The following SUGCT variants were observed in gnomAD, a reference collection of about 807,000 sequenced individuals.
SUGCT encodes the protein succinyl-CoA:glutarate CoA-transferase.
SUGCT carries 41 observed loss-of-function variants against 55.0 expected under a neutral mutation model. That is an observed-to-expected ratio of 0.74 (90% CI 0.58 to 0.97). The LOEUF (loss-of-function observed/expected upper bound fraction) is 0.97. Ranked by LOEUF, SUGCT falls within the 50% of genes least tolerant of loss-of-function variation. SUGCT has a pLI of 0.00. For synonymous variants in SUGCT, 187 were observed against 200.4 expected (o/e 0.93, Z 0.56); for missense variants, 568 against 547.8 (o/e 1.04, Z -0.37).
chr7:40,438,667 C>G lies in SUGCT; in HGVS notation c.817-10620C>G, dbSNP rs78387035. Among the ~76,000 whole-genome samples the G allele has an allele frequency of 8.7e-3, 1,319 of 152,168 alleles. 17 individuals are homozygous for G. Among genetic ancestry groups the G allele is most frequent in the African/African-American group, 0.03 (1,254 of 41,514 alleles). ...CTCCCCACATCATTTCATTCAGAAG[C>G]AATTGTTTCTTGAATTTCTTACAGG... On this transcript the variant is annotated intron_variant, in intron 9 of 13. Transcript: ENST00000335693.
chr7:40,787,781 G>A (rs1041878661), intron 13 of SUGCT, among the ~76,000 whole-genome samples: 2 of 150,670 alleles, frequency 1.3e-5, no homozygotes, highest in Non-Finnish European at 3.0e-5. Context: ...CTACTTCAGC[G>A]AAACACCACA....
chr7:40,463,863 A>G (rs561314537), intron 11 of SUGCT, among the ~76,000 whole-genome samples: 1 of 152,314 alleles, frequency 6.6e-6, no homozygotes, highest in African/African-American at 2.4e-5. Flanking sequence ...AAACTCAATC[A>G]TGTTAAAAAT....
chr7:41,035,862 T>G, the SUGCT span, among the ~76,000 whole-genome samples: 4 of 152,126 alleles, frequency 2.6e-5, no homozygotes, highest in African/African-American at 9.7e-5. Flanking sequence ...CCCCCAGCCT[T>G]GCATTTTCTC....
At chr7:40,702,429 A>G (rs964288041) in intron 12 of SUGCT, among the ~76,000 whole-genome samples, 1 of 152,238 alleles carries the variant, frequency 6.6e-6, no homozygotes, top group Non-Finnish European at 1.5e-5. Flanking sequence ...ACCAAAGTCA[A>G]GAAAACCAAG....
intron 12 of SUGCT, among the ~76,000 whole-genome samples, chr7:40,575,866 A>G (rs1399777323): frequency 6.6e-6 from 1 of 151,404 alleles, no homozygotes; most frequent in African/African-American, 2.4e-5. Flanking sequence ...AATTGCTTGA[A>G]CCAGGAGGGG....
At chr7:40,414,871 C>A (rs988904581) in intron 9 of SUGCT, among the ~76,000 whole-genome samples, 1 of 151,862 alleles carries the variant, frequency 6.6e-6, no homozygotes, top group Non-Finnish European at 1.5e-5. Context: ...GGTGAAATCC[C>A]GTCTCTACTA....
the SUGCT span, among the ~76,000 whole-genome samples, chr7:40,929,911 G>A: frequency 6.6e-6 from 1 of 152,118 alleles, no homozygotes; most frequent in Non-Finnish European, 1.5e-5. Flanking sequence ...CTGTGCAGAA[G>A]CTCTTTAGTT....
At chr7:40,409,970 A>G (rs1479874977) in intron 9 of SUGCT, among the ~76,000 whole-genome samples, 2 of 152,152 alleles carry the variant, frequency 1.3e-5, no homozygotes, top group East Asian at 3.9e-4. Flanking sequence ...TTCTTCGTAT[A>G]CATTGTATAC....
chr7:40,541,454 G>T (rs1231724451), intron 12 of SUGCT, among the ~76,000 whole-genome samples: 2 of 152,098 alleles, frequency 1.3e-5, no homozygotes, highest in African/African-American at 4.8e-5. Context: ...GGTCTATATT[G>T]GTCAGATATG....
chr7:40,621,964 C>T (rs898507656), intron 12 of SUGCT, among the ~76,000 whole-genome samples: 2 of 152,176 alleles, frequency 1.3e-5, no homozygotes, highest in Admixed American at 6.5e-5. Flanking sequence ...GAGGCAAGCC[C>T]GTGGAAGCCT....
intron 12 of SUGCT, among the ~76,000 whole-genome samples, chr7:40,516,288 T>C (rs569834329): frequency 1.4e-4 from 22 of 152,314 alleles, no homozygotes; most frequent in African/African-American, 5.3e-4. Context: ...TTCTGTAAGT[T>C]TTCTTTTCAT....
chr7:40,760,270 T>C (rs1383515313), intron 13 of SUGCT, among the ~76,000 whole-genome samples: 1 of 152,192 alleles, frequency 6.6e-6, no homozygotes, highest in Admixed American at 6.5e-5. Context: ...GTTGTGTTGG[T>C]ATAATAGAGT....
intron 13 of SUGCT, among the ~76,000 whole-genome samples, chr7:40,781,635 T>G (rs1035382792): frequency 6.6e-6 from 1 of 152,174 alleles, no homozygotes; most frequent in Non-Finnish European, 1.5e-5. Context: ...TTTCTGAGAA[T>G]GAATAGAGTT....
chr7:40,944,162 T>G, the SUGCT span, among the ~76,000 whole-genome samples: 3 of 152,178 alleles, frequency 2.0e-5, no homozygotes, highest in Non-Finnish European at 2.9e-5. Context: ...TTGAATTCAT[T>G]GTAGATTCTG....
At chr7:40,813,651 T>G (rs1791531703) in intron 13 of SUGCT, among the ~76,000 whole-genome samples, 1 of 152,156 alleles carries the variant, frequency 6.6e-6, no homozygotes, top group Non-Finnish European at 1.5e-5. Flanking sequence ...TGACAATAGA[T>G]GGATGGGTAT....
chr7:40,241,793 A>C (rs1001643635), intron 7 of SUGCT, among the ~76,000 whole-genome samples: 1 of 151,482 alleles, frequency 6.6e-6, no homozygotes, highest in Non-Finnish European at 1.5e-5. Flanking sequence ...GGTGGTGTGC[A>C]TCTGTAGTCC....
chr7:40,264,843 G>A (rs1040981926), intron 7 of SUGCT, among the ~76,000 whole-genome samples: 13 of 152,046 alleles, frequency 8.6e-5, no homozygotes, highest in African/African-American at 4.8e-5. Context: ...TCGTCTCTCT[G>A]CCCTGCACTA....
chr7:40,392,918 C>T (rs977298155), intron 9 of SUGCT, among the ~76,000 whole-genome samples: 2 of 152,160 alleles, frequency 1.3e-5, no homozygotes, highest in Non-Finnish European at 1.5e-5. Flanking sequence ...GCCTGTAAAA[C>T]TGGGTGGATT....
At position 40,568,179 on chromosome 7, in the gene SUGCT, G is replaced by A. The variant is rs113676083; in HGVS notation, c.1089+71793G>A. Among the ~76,000 whole-genome samples, 1,033 of 152,272 alleles carry A rather than the reference G, an allele frequency of 6.8e-3. 17 individuals carry two copies. Among genetic ancestry groups the A allele is most frequent in the African/African-American group, 0.023 (958 of 41,550 alleles). On this transcript the variant is annotated intron_variant, in intron 12 of 13. Coordinates refer to ENST00000335693, the MANE Select transcript of SUGCT (RefSeq NM_001193313.2). ...ATGTCTCTCTGGACATAACGGAGAA[G>A]CAAAAAATTTGATTCAGTGGAAAGT...
Sources: gnomAD v4.1 joint callset for allele counts (sites outside exome capture counted in the v4.1 genomes callset) on GRCh38, gnomAD v4.1.1 for gene constraint, MANE v1.5 for transcripts, NCBI Gene and HGNC (gene_info 2026-07-23, HGNC 2026-07-21) for gene names.